The following ZC3H12B variants were observed in gnomAD, a reference collection of about 807,000 sequenced individuals.
The protein encoded by ZC3H12B is probable ribonuclease ZC3H12B.
In ZC3H12B, 7 loss-of-function variants were observed where a neutral mutation model predicts 43.9. The ratio of observed to expected loss-of-function variants is 0.16; its 90% CI spans 0.09 to 0.30. The LOEUF (loss-of-function observed/expected upper bound fraction) is 0.30, where lower values mean the gene tolerates loss of function less well. ZC3H12B is among the 10% of genes least tolerant of loss of function. The pLI is 1.00. For synonymous variants in ZC3H12B, 222 were observed against 241.7 expected, an observed-to-expected ratio of 0.92 and a Z score of 0.76; for missense variants, 475 against 670.2, an observed-to-expected ratio of 0.71 and a Z score of 3.22.
the ZC3H12B span, among the ~76,000 whole-genome samples, chrX:65,119,579 T>G: frequency 3.6e-5 from 4 of 111,916 alleles, no homozygotes; most frequent in Non-Finnish European, 7.5e-5. Context: ...GTGAAAATTT[T>G]CTCCCATTCT....
At chrX:65,307,434 C>CAGATAA in the ZC3H12B span, among the ~76,000 whole-genome samples, 2 of 111,492 alleles carry the variant, frequency 1.8e-5, no homozygotes, top group Admixed American at 9.6e-5. Flanking sequence ...ACGTTATGTA[C>CAGATAA]AGATAAATGA....
the ZC3H12B span, among the ~76,000 whole-genome samples, chrX:65,336,687 G>A: frequency 8.9e-6 from 1 of 112,176 alleles, no homozygotes; most frequent in Non-Finnish European, 1.9e-5. Flanking sequence ...GTCTGTGACA[G>A]AGTGGGAAAG....
intron 2 of ZC3H12B, among the ~76,000 whole-genome samples, chrX:65,381,117 C>A (rs78742824): frequency 3.6e-5 from 4 of 111,522 alleles, no homozygotes; most frequent in East Asian, 2.8e-4. Context: ...TAGACATCTA[C>A]AGAACTCTCC....
the ZC3H12B span, among the ~76,000 whole-genome samples, chrX:65,072,065 C>A: frequency 8.9e-6 from 1 of 111,941 alleles, no homozygotes; most frequent in Non-Finnish European, 1.9e-5. Flanking sequence ...TTCTTCCATT[C>A]TCCTCATCTC....
At chrX:65,464,087 C>T (rs781497486) in intron 3 of ZC3H12B, among the ~76,000 whole-genome samples, 3 of 112,323 alleles carry the variant, frequency 2.7e-5, no homozygotes, top group African/African-American at 9.7e-5. Context: ...AAATGTTCTA[C>T]TATTTTCTTA....
the ZC3H12B span, among the ~76,000 whole-genome samples, chrX:65,318,610 G>A: frequency 2.7e-5 from 3 of 110,285 alleles, no homozygotes; most frequent in African/African-American, 6.6e-5. Context: ...AGTACAGATG[G>A]GGTTTCACCA....
chrX:65,152,256 A>C, the ZC3H12B span, among the ~76,000 whole-genome samples: 1 of 111,651 alleles, frequency 9.0e-6, no homozygotes, highest in Non-Finnish European at 1.9e-5. Flanking sequence ...AGAAGGAAAT[A>C]AAGGGTATTC....
the ZC3H12B span, among the ~76,000 whole-genome samples, chrX:65,269,398 T>G: frequency 9.1e-6 from 1 of 110,382 alleles, no homozygotes; most frequent in East Asian, 2.8e-4. Flanking sequence ...AAAATCACTA[T>G]TATCTCTATA....
chrX:65,279,844 G>T, the ZC3H12B span, among the ~76,000 whole-genome samples: 1 of 111,836 alleles, frequency 8.9e-6, no homozygotes, highest in African/African-American at 3.2e-5. Flanking sequence ...CTACTATCCA[G>T]CATCTATAAG....
At chrX:65,319,277 A>G in the ZC3H12B span, among the ~76,000 whole-genome samples, 2 of 112,058 alleles carry the variant, frequency 1.8e-5, no homozygotes, top group Non-Finnish European at 3.8e-5. Flanking sequence ...ACAAAAAATT[A>G]TCAGATACTA....
At chrX:65,462,239 G>A (rs983616748) in intron 3 of ZC3H12B, among the ~76,000 whole-genome samples, 9 of 111,148 alleles carry the variant, frequency 8.1e-5, no homozygotes, top group African/African-American at 2.9e-4. Context: ...GGCCGGGCAC[G>A]GTGGCTCACA....
the ZC3H12B span, chrX:65,328,663 G>C: frequency 2.7e-5 from 3 of 113,187 alleles, no homozygotes; most frequent in Admixed American, 3.0e-4. Context: ...TCCTCATTTA[G>C]CATTAGGTAT....
chrX:65,092,883 A>T, the ZC3H12B span, among the ~76,000 whole-genome samples: 1 of 112,086 alleles, frequency 8.9e-6, no homozygotes, highest in African/African-American at 3.3e-5. Flanking sequence ...AAAATGAGGC[A>T]ATTGCTGATA....
chrX:65,487,331 A>C (rs6624150), upstream of ZC3H12B, among the ~76,000 whole-genome samples: 12 of 112,463 alleles, frequency 1.1e-4, no homozygotes, highest in East Asian at 3.4e-3. Context: ...ACCTGAGGTA[A>C]GGAGTTCGAG....
chrX:65,182,455 C>T, the ZC3H12B span, among the ~76,000 whole-genome samples: 13 of 110,833 alleles, frequency 1.2e-4, no homozygotes, highest in South Asian at 1.1e-3. Flanking sequence ...AATAAAATGG[C>T]GGTGCTTGTC....
the ZC3H12B span, among the ~76,000 whole-genome samples, chrX:65,045,784 C>T: frequency 2.3e-4 from 26 of 111,809 alleles, no homozygotes; most frequent in South Asian, 7.4e-4. Flanking sequence ...CTCTGGCAGC[C>T]GTAGATTCAT....
chrX:65,203,755 A>G, the ZC3H12B span, among the ~76,000 whole-genome samples: 10 of 111,671 alleles, frequency 9.0e-5, no homozygotes, highest in African/African-American at 3.3e-4. Flanking sequence ...TTACTAGGTC[A>G]CATGCCCTGC....
the ZC3H12B span, among the ~76,000 whole-genome samples, chrX:65,075,811 C>A: frequency 1.3e-4 from 14 of 111,718 alleles, no homozygotes; most frequent in African/African-American, 4.6e-4. Context: ...TCATGTTGGA[C>A]GTATGTTTCA....
intron 3 of ZC3H12B, among the ~76,000 whole-genome samples, chrX:65,472,825 GATATATATATATATATATATATATATAT>G (rs58372328): frequency 1.3e-4 from 4 of 31,583 alleles, no homozygotes; most frequent in Non-Finnish European, 2.0e-4. Context: ...CCATACCTTT[GATATATATATATATATATATATATATAT>G]ATATATGTTT....
Sources: allele counts gnomAD v4.1 joint callset (sites outside exome capture counted in the v4.1 genomes callset), GRCh38; gene constraint gnomAD v4.1.1; transcripts MANE v1.5; gene names NCBI Gene and HGNC (gene_info 2026-07-23, HGNC 2026-07-21).